Variants in PDE4D observed in about 807,000 individuals in gnomAD.
PDE4D encodes 3',5'-cyclic-AMP phosphodiesterase 4D.
PDE4D carries 24 observed loss-of-function variants against 87.4 expected under a neutral mutation model. That is an observed-to-expected ratio of 0.27 (90% CI 0.20 to 0.39). The LOEUF (loss-of-function observed/expected upper bound fraction) is 0.39, where lower values mean the gene tolerates loss of function less well. PDE4D is among the 10% of genes least tolerant of loss of function. The pLI is 1.00. For missense variants in PDE4D, 714 were observed against 1,041.0 expected (o/e 0.69, Z 4.32); for synonymous variants, 384 against 383.2 (o/e 1.00, Z -0.02).
intron 6 of PDE4D, among the ~76,000 whole-genome samples, chr5:59,024,677 CAT>C (rs891212282): frequency 6.6e-6 from 1 of 151,976 alleles, no homozygotes; most frequent in Non-Finnish European, 1.5e-5. Flanking sequence ...TATCTTCTGG[CAT>C]AAAGTAAACT....
intron 2 of PDE4D, among the ~76,000 whole-genome samples, chr5:60,085,475 A>G (rs1774425731): frequency 1.3e-5 from 2 of 152,154 alleles, no homozygotes; most frequent in Non-Finnish European, 2.9e-5. Flanking sequence ...TAAAAAGTAA[A>G]CATTTAATCC....
chr5:59,348,310 A>G (rs1779936144), intron 1 of PDE4D, among the ~76,000 whole-genome samples: 1 of 152,174 alleles, frequency 6.6e-6, no homozygotes, highest in South Asian at 2.1e-4. Context: ...TATATGATAG[A>G]AACACTGTAT....
intron 1 of PDE4D, among the ~76,000 whole-genome samples, chr5:60,319,164 C>A (rs921403443): frequency 6.6e-6 from 1 of 152,196 alleles, no homozygotes; most frequent in Non-Finnish European, 1.5e-5. Flanking sequence ...TCCCATACTT[C>A]TTGGAGGCTT....
At chr5:59,342,347 G>T (rs1778867858) in intron 1 of PDE4D, among the ~76,000 whole-genome samples, 2 of 152,040 alleles carry the variant, frequency 1.3e-5, no homozygotes, top group South Asian at 2.1e-4. Context: ...AACACATGGT[G>T]CCTCTGATCT....
rs556451980 is a variant in PDE4D, at chr5:59,491,005, T to C, written c.456-275037A>G. Among the ~76,000 whole-genome samples, 6 of 152,330 alleles carry C rather than the reference T, an allele frequency of 3.9e-5. No individual in the cohort carries two copies. In the South Asian group the frequency reaches 1.2e-3, roughly 32 times the overall value. ...AGCAGAGTGAGATTGGCCAAGATTA[T>C]TTCTCTCTGAACCTACCTTTCCTCA... On this transcript the variant is annotated intron_variant, in intron 1 of 14. Transcript: ENST00000340635.
At chr5:59,331,318 T>C (rs1216374960) in intron 1 of PDE4D, among the ~76,000 whole-genome samples, 1 of 152,152 alleles carries the variant, frequency 6.6e-6, no homozygotes, top group East Asian at 1.9e-4. Context: ...GTTGGTTTCT[T>C]CGGGAGACCT....
At chr5:60,475,279 C>T (rs557221711) in intron 1 of PDE4D, among the ~76,000 whole-genome samples, 5 of 152,278 alleles carry the variant, frequency 3.3e-5, no homozygotes, top group African/African-American at 9.6e-5. Flanking sequence ...AATTAAGTCA[C>T]TTGGCCAAGG....
intron 1 of PDE4D, among the ~76,000 whole-genome samples, chr5:59,601,035 T>C (rs995803399): frequency 1.3e-5 from 2 of 152,166 alleles, no homozygotes; most frequent in African/African-American, 4.8e-5. Context: ...TTATGCTGAA[T>C]TCTGTTTGGA....
intron 1 of PDE4D, among the ~76,000 whole-genome samples, chr5:59,750,961 A>G (rs1357084183): frequency 6.6e-6 from 1 of 151,632 alleles, no homozygotes; most frequent in Non-Finnish European, 1.5e-5. Context: ...AAAAAAAAAA[A>G]AAAAAAAGTA....
At chr5:60,248,979 C>G (rs1255377652) in intron 1 of PDE4D, among the ~76,000 whole-genome samples, 4 of 152,004 alleles carry the variant, frequency 2.6e-5, no homozygotes, top group Non-Finnish European at 5.9e-5. Flanking sequence ...GCATGTGGCT[C>G]CAAGAGCCAC....
chr5:59,217,004 G>A (rs1248461569), intron 1 of PDE4D, among the ~76,000 whole-genome samples: 1 of 152,182 alleles, frequency 6.6e-6, no homozygotes, highest in Admixed American at 6.5e-5. Context: ...ATTGAAAACT[G>A]TGCCCAAGTG....
chr5:60,060,341 C>T (rs1167920347), intron 2 of PDE4D, among the ~76,000 whole-genome samples: 1 of 151,992 alleles, frequency 6.6e-6, no homozygotes, highest in African/African-American at 2.4e-5. Context: ...TTTGTAAAAG[C>T]CAACATTTTG....
intron 6 of PDE4D, among the ~76,000 whole-genome samples, chr5:59,030,349 G>A (rs548306686): frequency 1.5e-5 from 2 of 129,962 alleles, no homozygotes; most frequent in South Asian, 2.6e-4. Flanking sequence ...AAAACAAATC[G>A]ATTAAAATTA....
intron 1 of PDE4D, among the ~76,000 whole-genome samples, chr5:59,363,874 G>C (rs1782620455): frequency 6.6e-6 from 1 of 152,164 alleles, no homozygotes; most frequent in South Asian, 2.1e-4. Context: ...GGTAACTAGA[G>C]AGAGAGGAGG....
chr5:59,947,308 G>C (rs1052699402), intron 3 of PDE4D, among the ~76,000 whole-genome samples: 1 of 152,172 alleles, frequency 6.6e-6, no homozygotes, highest in Admixed American at 6.5e-5. Context: ...AGGCTCAGCA[G>C]GTTCTTTCCT....
chr5:59,361,398 G>C (rs774921108), intron 1 of PDE4D, among the ~76,000 whole-genome samples: 36 of 152,160 alleles, frequency 2.4e-4, no homozygotes, highest in Middle Eastern at 3.4e-3. Context: ...AAGTCTTCTG[G>C]TGTCACTGAT....
intron 1 of PDE4D, among the ~76,000 whole-genome samples, chr5:59,869,929 T>C (rs1386578055): frequency 6.6e-6 from 1 of 152,164 alleles, no homozygotes; most frequent in Non-Finnish European, 1.5e-5. Context: ...AGGAAAGTAA[T>C]AGTATGGCAT....
intron 1 of PDE4D, among the ~76,000 whole-genome samples, chr5:60,387,934 C>A (rs1437219365): frequency 6.6e-6 from 1 of 152,158 alleles, no homozygotes; most frequent in Non-Finnish European, 1.5e-5. Flanking sequence ...TTTGACCAAC[C>A]AACTTCAAGT....
intron 2 of PDE4D, among the ~76,000 whole-genome samples, chr5:60,060,506 C>T (rs1275998594): frequency 3.3e-5 from 5 of 152,004 alleles, no homozygotes; most frequent in Non-Finnish European, 7.4e-5. Context: ...AAATTCTACC[C>T]TTTGTTCAAA....
Sources: allele counts gnomAD v4.1 joint callset (sites outside exome capture counted in the v4.1 genomes callset), GRCh38; gene constraint gnomAD v4.1.1; transcripts MANE v1.5; gene names NCBI Gene and HGNC (gene_info 2026-07-23, HGNC 2026-07-21).